Variants in ZNF263 observed in about 807,000 individuals in gnomAD.
The protein encoded by ZNF263 is zinc finger protein FPM315.
Under a neutral mutation model 63.1 loss-of-function variants are expected in ZNF263, and 49 were observed. That is an observed-to-expected ratio of 0.78 (90% CI 0.62 to 0.99). The LOEUF (loss-of-function observed/expected upper bound fraction) is 0.99, where lower values mean the gene tolerates loss of function less well. Among genes scored for constraint, ZNF263 ranks in the 50% least tolerant of loss-of-function variants. The pLI, the probability that ZNF263 is intolerant of heterozygous loss-of-function variation, is 0.00. For missense variants in ZNF263, 872 were observed against 854.8 expected, an observed-to-expected ratio of 1.02 and a Z score of -0.25; for synonymous variants, 352 against 324.2, an observed-to-expected ratio of 1.09 and a Z score of -0.92.
intron 4 of ZNF263, 199 bp downstream of exon 4, chr16:3,286,348 G>A (rs1218889680): frequency 1.5e-6 from 1 of 659,790 alleles, no homozygotes; most frequent in African/African-American, 1.9e-5. Context: ...CGGGACTGGA[G>A]TCCCAGCTGC....
chr16:3,285,429 T>A (rs1216961049), intron 2 of ZNF263, among the ~76,000 whole-genome samples, 190 bp downstream of exon 2: 1 of 152,154 alleles, frequency 6.6e-6, no homozygotes, highest in East Asian at 1.9e-4. Flanking sequence ...GGAGTCTCAG[T>A]AGAGCCCTTT....
Position 3,290,875 on chromosome 16 carries a change from A to T in ZNF263, c.*317A>T. On this transcript the variant is annotated 3_prime_UTR_variant, in exon 6 of 6. Coordinates refer to ENST00000219069, the MANE Select transcript of ZNF263 (RefSeq NM_005741.5). ...GTGCGATTTGGGCACCTGACTGTCC[A>T]GTTTACCTTAACAAGTTTGGGAATC... is the stretch of plus-strand genomic sequence containing the variant. 1 of 1,077,638 alleles carries T rather than the reference A, an allele frequency of 9.3e-7. No homozygotes were observed. Among genetic ancestry groups the T allele is most frequent in the South Asian group, 3.7e-5 (1 of 27,168 alleles). The allele number at this position is 1,077,638 out of a possible 1,614,324, so 66.8% of individuals were successfully genotyped here. A position where few individuals can be genotyped will look rare whatever the true frequency, so the allele number is the denominator to read the frequency against.
At position 3,297,046 on chromosome 16, in the gene ZNF263, C is replaced by T. The variant is rs537854836; in HGVS notation, c.152-2060C>T. ...CAGGCCGGGCGCAGTGGCTCACACC[C>T]GTAATCGCAGCACTTTGGGAGGCTG... On this transcript the variant is annotated intron_variant, in intron 1 of 2. Transcript: ENST00000574674. Among the ~76,000 whole-genome samples, 8 of 152,104 alleles carry T rather than the reference C, an allele frequency of 5.3e-5. No individual in the cohort carries two copies. The South Asian group carries it at 1.0e-3, about 20-fold the overall frequency.
chr16:3,298,775 T>TA (rs1567257852), intron 1 of ZNF263: 2 of 372,316 alleles, frequency 5.4e-6, no homozygotes, highest in African/African-American at 2.1e-5. Context: ...GTGTAAAATT[T>TA]AAAAAAATGA....
intron 2 of ZNF263, chr16:3,300,394 C>T (rs893315483): frequency 6.2e-7 from 1 of 1,614,170 alleles, no homozygotes; most frequent in South Asian, 1.1e-5. Context: ...ATATTTGGCT[C>T]CCGTTGTCCT....
intron 1 of ZNF263, among the ~76,000 whole-genome samples, chr16:3,284,802 G>A (rs1481353526): frequency 6.6e-6 from 1 of 152,172 alleles, no homozygotes. Context: ...CCTAGAAAAG[G>A]TGGGGAGAGC....
chr16:3,289,717 G>C lies in ZNF263; in HGVS notation c.1211G>C (p.Arg404Thr). Residue 404 changes from arginine (R) to threonine (T), a missense_variant, in exon 6 of 6, where the codon AGA becomes ACA. By Grantham distance (71) the Arg-to-Thr change is moderately conservative. Coordinates refer to ENST00000219069, the MANE Select transcript of ZNF263 (RefSeq NM_005741.5). ...CACCAGAGAATACATGCAGCTGAAA[G>C]ACTGTGTATGGGTGTGGACTGCACT... Reference protein sequence around the residue: ...IRHQRIHAAERLCMGVDCTEI... With the variant: ...IRHQRIHAAETLCMGVDCTEI... The C allele has an allele frequency of 1.2e-6, 2 of 1,614,182 alleles. No homozygotes were observed. The highest frequency in any genetic ancestry group is 1.7e-6 in the Non-Finnish European group (2 of 1,180,024).
intron 4 of ZNF263, among the ~76,000 whole-genome samples, chr16:3,287,234 C>A (rs779090054): frequency 9.9e-5 from 15 of 152,148 alleles, no homozygotes; most frequent in Non-Finnish European, 2.2e-4. Context: ...CCTCAGCCTC[C>A]AGAGTAGCTG....
intron 2 of ZNF263, chr16:3,299,445 T>C (rs779214846): frequency 4.5e-6 from 7 of 1,560,758 alleles, no homozygotes; most frequent in Non-Finnish European, 6.1e-6. Flanking sequence ...TTATTTGTTT[T>C]ACTTCTTCCC....
intron 4 of ZNF263, among the ~76,000 whole-genome samples, chr16:3,287,293 G>A (rs547919257): frequency 6.6e-6 from 1 of 151,150 alleles, no homozygotes; most frequent in Non-Finnish European, 1.5e-5. Flanking sequence ...TGTATTTTTA[G>A]TAGAGACAGG....
At chr16:3,287,405 CT>C (rs34751211) in intron 4 of ZNF263, among the ~76,000 whole-genome samples, 213 of 97,856 alleles carry the variant, frequency 2.2e-3, no homozygotes, top group African/African-American at 5.0e-3. Flanking sequence ...CACACCCGGC[CT>C]TTTTTTTTTT....
chr16:3,299,692 G>C (rs1361305894), intron 2 of ZNF263: 1 of 1,540,334 alleles, frequency 6.5e-7, no homozygotes. Context: ...ATCCTCACTG[G>C]TTAGGGATTC....
In ZNF263 at chr16:3,296,754, A is replaced by T. The variant is rs113615914; in HGVS notation, c.152-2352A>T. Reference sequence around the variant, plus strand: ...AGCAATCACTACTAATAAAAAAGGAACCCACTTACAGCAACAACAAACCTA... The same window carrying T: ...AGCAATCACTACTAATAAAAAAGGATCCCACTTACAGCAACAACAAACCTA... On this transcript the variant is annotated intron_variant, in intron 1 of 2. Coordinates refer to the ZNF263 transcript ENST00000574674. Among the ~76,000 whole-genome samples, 237 of 151,938 alleles carry T rather than the reference A, an allele frequency of 1.6e-3. 1 individual carries two copies. The highest frequency in any genetic ancestry group is 5.5e-3 in the African/African-American group (228 of 41,272).
chr16:3,286,298 G>C lies in ZNF263; in HGVS notation c.769+149G>C. ...TTTGTCTAAAGTCCCCTGTACGAGA[G>C]TCATGTATCTGCCAAGTGGTACAGT... On this transcript the variant is annotated intron_variant, in intron 4 of 5. Transcript: ENST00000219069. 4.2e-6 allele frequency: 5 copies of C among 1,186,004 alleles called. No individual in the cohort carries two copies. In the South Asian group the frequency reaches 8.9e-5, roughly 21 times the overall value. The allele number at this position is 1,186,004 out of a possible 1,614,324, so 73.5% of individuals were successfully genotyped here.
rs747714553 is a variant in ZNF263 at position 3,290,442 on chromosome 16, C to T, written c.1936C>T (p.Arg646Trp). The T allele has an allele frequency of 1.1e-5, 18 of 1,613,998 alleles. No individual in the cohort carries two copies. The highest frequency in any genetic ancestry group is 1.6e-4 in the Middle Eastern group (1 of 6,082). ...CGDSFSHSSNRIRHLRTHTGE... is the reference protein window; with the variant it reads ...CGDSFSHSSNWIRHLRTHTGE... The stretch of plus-strand genomic sequence containing the variant: ...AGACAGCTTCTCTCACAGCTCCAAT[C>T]GGATTCGCCACCTGAGAACGCATAC... Residue 646 changes from arginine to tryptophan, a missense_variant, in exon 6 of 6, where the codon CGG becomes TGG. Physicochemically the swap from Arg to Trp is moderately radical, Grantham distance 101 (BLOSUM62 -3). Transcript: ENST00000219069.
At chr16:3,294,924 A>G (rs1959704954), downstream of ZNF263, among the ~76,000 whole-genome samples, 1 of 152,168 alleles carries the variant, frequency 6.6e-6, no homozygotes, top group African/African-American at 2.4e-5. Flanking sequence ...TTTGGACATC[A>G]TGAGGAATTG....
In ZNF263 at chr16:3,297,081, G is replaced by A. The variant is rs1449901085; in HGVS notation, c.152-2025G>A. Among the ~76,000 whole-genome samples the A allele has an allele frequency of 5.9e-5, 9 of 152,012 alleles. No homozygotes were observed. The East Asian group carries it at 1.6e-3, about 26-fold the overall frequency. On this transcript the variant is annotated intron_variant, in intron 1 of 2. Transcript: ENST00000574674. ...GCACTTTGGGAGGCTGAGGCAGGCG[G>A]ATCACGAGGTCAGGAGTTCAAGACC...
At chr16:3,296,737 C>G (rs1959756376) in intron 1 of ZNF263, among the ~76,000 whole-genome samples, 2 of 152,080 alleles carry the variant, frequency 1.3e-5, no homozygotes, top group African/African-American at 2.4e-5. Context: ...TCAGCAATCA[C>G]TACTAATAAA....
At chr16:3,293,859 C>T (rs1049183385), downstream of ZNF263, among the ~76,000 whole-genome samples, 1 of 152,234 alleles carries the variant, frequency 6.6e-6, no homozygotes, top group Admixed American at 6.5e-5. Context: ...GTTTTGATGG[C>T]TGTAATGAAA....
Sources: gnomAD v4.1 joint callset for allele counts (sites outside exome capture counted in the v4.1 genomes callset) on GRCh38, gnomAD v4.1.1 for gene constraint, MANE v1.5 for transcripts, NCBI Gene and HGNC (gene_info 2026-07-23, HGNC 2026-07-21) for gene names.